Variants in EFR3A observed in about 807,000 individuals in gnomAD.
EFR3A encodes the protein EFR3 homolog A.
In EFR3A, 76 loss-of-function variants were observed where a neutral mutation model predicts 104.4. That is an observed-to-expected ratio of 0.73 (90% CI 0.60 to 0.88). The LOEUF is 0.88. Ranked by LOEUF, EFR3A falls within the 40% of genes least tolerant of loss-of-function variation. The pLI, the probability that EFR3A is intolerant of heterozygous loss-of-function variation, is 0.00. For missense variants in EFR3A, 985 were observed against 1,012.5 expected (o/e 0.97, Z 0.37); for synonymous variants, 330 against 330.0 (o/e 1.00, Z 0.00).
At chr8:131,968,602 A>G (rs1200129254) in intron 9 of EFR3A, among the ~76,000 whole-genome samples, 172 bp downstream of exon 9, 1 of 152,234 alleles carries the variant, frequency 6.6e-6, no homozygotes, top group South Asian at 2.1e-4. Context: ...CTTCTTTAGC[A>G]CACAGTTAAG....
At chr8:131,989,072 A>C (rs538026963) in intron 18 of EFR3A, among the ~76,000 whole-genome samples, 1 of 152,180 alleles carries the variant, frequency 6.6e-6, no homozygotes, top group Non-Finnish European at 1.5e-5. Flanking sequence ...GACTAGAAGA[A>C]TTCTGAATAT....
chr8:131,936,917 C>T (rs565032074), intron 1 of EFR3A, among the ~76,000 whole-genome samples: 9 of 152,018 alleles, frequency 5.9e-5, no homozygotes, highest in East Asian at 1.9e-4. Flanking sequence ...TATAAAGGCG[C>T]GATTGATTAA....
intron 10 of EFR3A, among the ~76,000 whole-genome samples, chr8:131,975,430 T>TG (rs1187340335): frequency 6.7e-6 from 1 of 149,708 alleles, no homozygotes; most frequent in Non-Finnish European, 1.5e-5. Context: ...TTTTTTTTTT[T>TG]TTGGAGACAG....
intron 19 of EFR3A, among the ~76,000 whole-genome samples, 195 bp from the exon 20 acceptor site, chr8:132,001,564 A>G (rs1586677519): frequency 6.6e-6 from 1 of 152,166 alleles, no homozygotes; most frequent in East Asian, 1.9e-4. Context: ...GAACCACTGC[A>G]GTAAGCCATT....
At chr8:131,947,268 T>C (rs1818486517) in intron 4 of EFR3A, among the ~76,000 whole-genome samples, 1 of 152,006 alleles carries the variant, frequency 6.6e-6, no homozygotes, top group Non-Finnish European at 1.5e-5. Context: ...TCCCTAATGA[T>C]TAATGGTAAA....
chr8:132,003,314 AAC>A (rs762936445), intron 22 of EFR3A, 29 bp downstream of exon 22: 306 of 1,591,680 alleles, frequency 1.9e-4, no homozygotes, highest in South Asian at 3.1e-4. Context: ...CAATAGCAAT[AAC>A]ACACACACAC....
intron 1 of EFR3A, among the ~76,000 whole-genome samples, chr8:131,937,120 G>A (rs779309986): frequency 1.2e-4 from 18 of 152,104 alleles, no homozygotes; most frequent in South Asian, 6.2e-4. Flanking sequence ...TGGCACTTTG[G>A]AGAACCTAAG....
chr8:131,968,204 A>C, intron 8 of EFR3A, 91 bp from the exon 9 acceptor site: 2 of 1,268,998 alleles, frequency 1.6e-6, no homozygotes, highest in Non-Finnish European at 2.2e-6. Context: ...CTAATTGGTC[A>C]TTTACGTGTC....
intron 14 of EFR3A, among the ~76,000 whole-genome samples, chr8:131,982,226 G>A (rs1240616474): frequency 6.6e-6 from 1 of 151,788 alleles, no homozygotes; most frequent in Non-Finnish European, 1.5e-5. Context: ...GAACTATATT[G>A]TTTAGTTTTG....
chr8:131,977,901 G>A (rs950744150), intron 12 of EFR3A, among the ~76,000 whole-genome samples: 2 of 151,910 alleles, frequency 1.3e-5, no homozygotes, highest in East Asian at 3.9e-4. Context: ...CTCCTCTGAT[G>A]ATATAAACAC....
chr8:131,938,666 T>C (rs1818022358), intron 1 of EFR3A, among the ~76,000 whole-genome samples: 3 of 152,194 alleles, frequency 2.0e-5, no homozygotes, highest in South Asian at 2.1e-4. Flanking sequence ...TCATTGGTCA[T>C]GATTTATAGA....
At chr8:132,006,654 C>CA (rs1250323190) in intron 22 of EFR3A, among the ~76,000 whole-genome samples, 2 of 151,940 alleles carry the variant, frequency 1.3e-5, no homozygotes, top group African/African-American at 4.8e-5. Context: ...GAGGTAGAAA[C>CA]ATTTTCTAAC....
At chr8:131,931,488 G>A (rs1238171297) in intron 1 of EFR3A, among the ~76,000 whole-genome samples, 2 of 151,952 alleles carry the variant, frequency 1.3e-5, no homozygotes, top group Admixed American at 6.6e-5. Context: ...TATTTTGTTT[G>A]CATCTAGCTT....
chr8:131,961,544 A>G (rs1257467300), intron 8 of EFR3A, among the ~76,000 whole-genome samples: 1 of 152,228 alleles, frequency 6.6e-6, no homozygotes, highest in African/African-American at 2.4e-5. Flanking sequence ...AAAGCCTCCA[A>G]GAAATATGGG....
intron 22 of EFR3A, among the ~76,000 whole-genome samples, chr8:132,007,471 C>A (rs1822110625): frequency 6.6e-6 from 1 of 151,768 alleles, no homozygotes; most frequent in Non-Finnish European, 1.5e-5. Context: ...GAGAAATTAA[C>A]ACCTAAACAA....
chr8:131,971,081 T>C (rs72728698), intron 10 of EFR3A, among the ~76,000 whole-genome samples: 302 of 152,310 alleles, frequency 2.0e-3, no homozygotes, highest in Non-Finnish European at 3.5e-3. Context: ...TTGATGTATT[T>C]TTCCAAAAAA....
At chr8:131,956,509 T>G (rs1586599629) in intron 7 of EFR3A, among the ~76,000 whole-genome samples, 1 of 152,226 alleles carries the variant, frequency 6.6e-6, no homozygotes, top group South Asian at 2.1e-4. Flanking sequence ...CACCAGATGA[T>G]AGATCTACTA....
chr8:131,960,421 A>G (rs924059960), intron 8 of EFR3A, among the ~76,000 whole-genome samples: 1 of 152,092 alleles, frequency 6.6e-6, no homozygotes, highest in South Asian at 2.1e-4. Flanking sequence ...TGGGGCTGGA[A>G]CCTATCCCCA....
intron 10 of EFR3A, among the ~76,000 whole-genome samples, chr8:131,975,412 A>T (rs199610053): frequency 0.12 from 13,394 of 110,974 alleles, 810 homozygotes; most frequent in South Asian, 0.26. Flanking sequence ...TTTTTTTCCT[A>T]TTTTTTTTTT....
Sources: allele counts gnomAD v4.1 joint callset (sites outside exome capture counted in the v4.1 genomes callset), GRCh38; gene constraint gnomAD v4.1.1; transcripts MANE v1.5; gene names NCBI Gene and HGNC (gene_info 2026-07-23, HGNC 2026-07-21).